MMD2: variants seen among roughly 807,000 people sequenced by gnomAD.
The protein encoded by MMD2 is monocyte to macrophage differentiation factor 2.
MMD2 carries 30 observed loss-of-function variants against 33.5 expected under a neutral mutation model. The observed-to-expected ratio is 0.90, with a 90% confidence interval of 0.67 to 1.22. The LOEUF is 1.22. Among genes scored for constraint, MMD2 ranks in the 50% most tolerant of loss-of-function variants. The pLI is 0.00. For synonymous variants in MMD2, 129 were observed against 123.0 expected (o/e 1.05, Z -0.32); for missense variants, 364 against 325.4 (o/e 1.12, Z -0.91).
At chr7:4,949,887 T>C (rs747112687) in intron 1 of MMD2, among the ~76,000 whole-genome samples, 1 of 152,104 alleles carries the variant, frequency 6.6e-6, no homozygotes, top group Admixed American at 6.6e-5. Flanking sequence ...GATCATAATT[T>C]TGCATCAATG....
intron 1 of MMD2, among the ~76,000 whole-genome samples, chr7:4,929,529 T>G (rs1785519353): frequency 6.6e-6 from 1 of 150,876 alleles, no homozygotes; most frequent in Non-Finnish European, 1.5e-5. Flanking sequence ...TGAGATGGAG[T>G]CTCTTTTTTT....
chr7:4,903,648 G>A (rs80069858), downstream of MMD2, among the ~76,000 whole-genome samples: 623 of 152,340 alleles, frequency 4.1e-3, 8 homozygotes, highest in African/African-American at 0.015. Flanking sequence ...GGTGTGGGAG[G>A]TGTGTTGCTG....
rs1784871256 is a variant in MMD2, at chr7:4,906,589, T to G, written c.*807A>C. On this transcript the variant is annotated 3_prime_UTR_variant, in exon 7 of 7. Coordinates refer to ENST00000401401, the MANE Select transcript of MMD2 (RefSeq NM_198403.4). ...ACAGCATCCTCATTCCCAACTCTAC[T>G]GAGAATCAACTACGGTGGAACAGAA... The G allele has an allele frequency of 2.5e-6, 1 of 398,482 alleles. No individual in the cohort carries two copies. Among genetic ancestry groups the G allele is most frequent in the African/African-American group, 2.1e-5 (1 of 48,630 alleles). 24.7% of individuals were successfully genotyped at this position (398,482 alleles called of 1,614,324 possible).
chr7:4,925,026 G>A (rs1785385713), intron 2 of MMD2, among the ~76,000 whole-genome samples: 1 of 152,116 alleles, frequency 6.6e-6, no homozygotes, highest in South Asian at 2.1e-4. Context: ...CGACTCCTGG[G>A]TTCAAGAGAT....
the MMD2 span, among the ~76,000 whole-genome samples, chr7:4,900,125 A>G: frequency 6.6e-6 from 1 of 152,024 alleles, no homozygotes; most frequent in African/African-American, 2.4e-5. Flanking sequence ...AACTGGTGAA[A>G]TCCCATCTCT....
intron 1 of MMD2, among the ~76,000 whole-genome samples, chr7:4,927,196 G>C (rs935941802): frequency 6.6e-6 from 1 of 152,058 alleles, no homozygotes; most frequent in Non-Finnish European, 1.5e-5. Context: ...TGGTGAACAC[G>C]CGCACTTATT....
chr7:4,932,947 A>G (rs989650442), intron 1 of MMD2, among the ~76,000 whole-genome samples: 4 of 150,318 alleles, frequency 2.7e-5, no homozygotes, highest in Non-Finnish European at 4.4e-5. Flanking sequence ...CTTTTCCAAA[A>G]TGTCACCTAT....
At chr7:4,942,290 G>GGGT (rs1785932295) in intron 1 of MMD2, among the ~76,000 whole-genome samples, 2 of 150,574 alleles carry the variant, frequency 1.3e-5, no homozygotes, top group African/African-American at 4.9e-5. Context: ...GAGATGGGGG[G>GGGT]GGTCTTGCCA....
downstream of MMD2, among the ~76,000 whole-genome samples, chr7:4,905,255 A>AGAGGAG (rs987803299): frequency 4.6e-5 from 7 of 150,788 alleles, no homozygotes; most frequent in East Asian, 2.0e-4. This position sits in a 1 kb window ranked among gnomAD's most constrained non-coding sequence, Gnocchi z 5.0. Context: ...AAGGAGGAGA[A>AGAGGAG]GAGGAGGAGG....
intron 1 of MMD2, 146 bp downstream of exon 1, chr7:4,958,825 C>A: frequency 1.5e-6 from 1 of 676,196 alleles, no homozygotes; most frequent in Non-Finnish European, 2.1e-6. Flanking sequence ...TGCCTGGGTC[C>A]TGGTTTTCTC....
intron 6 of MMD2, 167 bp downstream of exon 6, chr7:4,909,714 C>T: frequency 2.2e-6 from 2 of 890,880 alleles, no homozygotes; most frequent in Non-Finnish European, 1.8e-6. Context: ...GGATTATAGG[C>T]ATGAGCCACT....
At chr7:4,896,223 T>G in the MMD2 span, among the ~76,000 whole-genome samples, 2 of 152,190 alleles carry the variant, frequency 1.3e-5, no homozygotes, top group Admixed American at 6.6e-5. Context: ...CTCACACCTT[T>G]AATCCTAGCA....
At position 4,958,977 on chromosome 7, in the gene MMD2, T is replaced by C; in HGVS notation, c.41A>G (p.Tyr14Cys). 3 of 1,175,116 alleles carry C rather than the reference T, an allele frequency of 2.6e-6. No individual in the cohort carries two copies. Among genetic ancestry groups the C allele is most frequent in the Non-Finnish European group, 3.2e-6 (3 of 938,090 alleles). 72.8% of individuals were successfully genotyped at this position (1,175,116 alleles called of 1,614,324 possible). The stretch of plus-strand genomic sequence containing the variant: ...CTCCGCGGCCGCCGCTCACCTCGCG[T>C]ATTTCGTCTTCTGGAAATCCAGCAG... ...PRLLDFQKTK[Y>C]ARFMNHRVPA... is the part of the protein sequence containing the mutation. The change falls in exon 1 of 7, where the codon TAC (tyrosine) becomes TGC (cysteine). Residue 14 changes from tyrosine to cysteine, a missense_variant. Physicochemically the swap from Tyr to Cys is radical, Grantham distance 194. Transcript: ENST00000401401.
At chr7:4,934,240 T>A (rs1337698253) in intron 1 of MMD2, among the ~76,000 whole-genome samples, 1 of 152,062 alleles carries the variant, frequency 6.6e-6, no homozygotes, top group African/African-American at 2.4e-5. Context: ...CACAATGCTT[T>A]TATTTTTTCC....
At chr7:4,949,151 A>G (rs1005822130) in intron 1 of MMD2, among the ~76,000 whole-genome samples, 1 of 151,842 alleles carries the variant, frequency 6.6e-6, no homozygotes, top group African/African-American at 2.4e-5. Context: ...CAAAGGTTGC[A>G]GTGAGCCGAG....
At chr7:4,943,781 A>C (rs1221558508) in intron 1 of MMD2, among the ~76,000 whole-genome samples, 1 of 151,868 alleles carries the variant, frequency 6.6e-6, no homozygotes, top group African/African-American at 2.4e-5. Context: ...AAGACAAATC[A>C]CTGTTGTTGA....
the MMD2 span, among the ~76,000 whole-genome samples, chr7:4,893,258 C>A: frequency 7.2e-5 from 11 of 151,932 alleles, no homozygotes; most frequent in African/African-American, 2.4e-4. Flanking sequence ...GGAGAGCCCA[C>A]AGAGTAAAGT....
At chr7:4,895,460 G>A in the MMD2 span, among the ~76,000 whole-genome samples, 1 of 152,174 alleles carries the variant, frequency 6.6e-6, no homozygotes, top group African/African-American at 2.4e-5. Flanking sequence ...GTGGAGAAAC[G>A]GGGTCAGCGG....
intron 4 of MMD2, among the ~76,000 whole-genome samples, chr7:4,914,898 T>C (rs1465732058): frequency 6.6e-6 from 1 of 152,046 alleles, no homozygotes; most frequent in East Asian, 1.9e-4. Context: ...GCCACTGCAC[T>C]CCAGCCTGGG....
Sources: allele counts gnomAD v4.1 joint callset (sites outside exome capture counted in the v4.1 genomes callset), GRCh38; gene constraint gnomAD v4.1.1; non-coding constraint Gnocchi (gnomAD v3.1); transcripts MANE v1.5; gene names NCBI Gene and HGNC (gene_info 2026-07-23, HGNC 2026-07-21).